The following THADA variants were observed in gnomAD, a reference collection of about 807,000 sequenced individuals.
THADA encodes the protein THADA armadillo repeat containing.
In THADA, 213 loss-of-function variants were observed where a neutral mutation model predicts 219.8. The observed-to-expected ratio is 0.97, with a 90% CI of 0.87 to 1.09. The LOEUF is 1.09. Ranked by LOEUF, THADA falls within the 50% of genes least tolerant of loss-of-function variation. The probability of loss-of-function intolerance (pLI) is 0.00; values close to 1 mark genes in which losing one functional copy is unlikely to be tolerated. For missense variants in THADA, 2,956 were observed against 2,311.3 expected (o/e 1.28, Z -5.72); for synonymous variants, 1,018 against 828.9 (o/e 1.23, Z -3.92).
chr2:43,314,360 C>T (rs1028121086), intron 31 of THADA, among the ~76,000 whole-genome samples: 7 of 150,960 alleles, frequency 4.6e-5, no homozygotes, highest in Non-Finnish European at 1.0e-4. Context: ...AGGAAAAACC[C>T]GCTCATAAAA....
intron 28 of THADA, among the ~76,000 whole-genome samples, chr2:43,405,244 T>C (rs1462490739): frequency 6.6e-6 from 1 of 152,258 alleles, no homozygotes; most frequent in African/African-American, 2.4e-5. Flanking sequence ...TTTTTAATTC[T>C]GTGTGGTTCG....
chr2:43,453,407 G>C (rs1376303712), intron 26 of THADA, among the ~76,000 whole-genome samples: 1 of 152,182 alleles, frequency 6.6e-6, no homozygotes, highest in Non-Finnish European at 1.5e-5. Context: ...GCATTTGGTA[G>C]AGTTGTGAAA....
intron 28 of THADA, among the ~76,000 whole-genome samples, chr2:43,414,969 G>A (rs1373020272): frequency 6.6e-6 from 1 of 152,170 alleles, no homozygotes; most frequent in Non-Finnish European, 1.5e-5. Context: ...AAAACACGAT[G>A]CCATGCTTCA....
At chr2:43,313,342 T>C (rs1677721419) in intron 31 of THADA, among the ~76,000 whole-genome samples, 1 of 152,234 alleles carries the variant, frequency 6.6e-6, no homozygotes, top group African/African-American at 2.4e-5. Flanking sequence ...CTGACTCCAC[T>C]TGCACAAGCT....
intron 31 of THADA, among the ~76,000 whole-genome samples, chr2:43,316,313 C>A (rs963231174): frequency 5.3e-5 from 8 of 152,128 alleles, no homozygotes; most frequent in Non-Finnish European, 1.2e-4. Flanking sequence ...ACTTATAAGA[C>A]CAAGGCATAT....
chr2:43,532,953 A>G (rs947431347), intron 21 of THADA, among the ~76,000 whole-genome samples: 1 of 152,174 alleles, frequency 6.6e-6, no homozygotes, highest in African/African-American at 2.4e-5. Flanking sequence ...TGAACAGACA[A>G]CCTACACAAT....
intron 26 of THADA, among the ~76,000 whole-genome samples, chr2:43,460,979 G>A (rs1364267105): frequency 6.6e-6 from 1 of 152,196 alleles, no homozygotes; most frequent in Admixed American, 6.5e-5. Flanking sequence ...AGAAAAGTCA[G>A]TGGAGAAGGG....
At chr2:43,530,353 T>C (rs1269897823) in intron 21 of THADA, among the ~76,000 whole-genome samples, 1 of 152,186 alleles carries the variant, frequency 6.6e-6, no homozygotes, top group East Asian at 1.9e-4. Context: ...AACAGAATTA[T>C]CAAGGCTTAA....
intron 21 of THADA, among the ~76,000 whole-genome samples, chr2:43,535,298 G>A (rs1391537246): frequency 2.7e-5 from 4 of 148,656 alleles, no homozygotes; most frequent in African/African-American, 7.4e-5. Flanking sequence ...TTTTGGCTCT[G>A]TTGTTTCCTT....
chr2:43,468,900 C>G (rs1684583172), intron 26 of THADA, among the ~76,000 whole-genome samples: 1 of 152,118 alleles, frequency 6.6e-6, no homozygotes, highest in South Asian at 2.1e-4. Context: ...GAAACTGAGG[C>G]CCGGGGGACT....
chr2:43,569,372 C>A (rs1214577500), intron 14 of THADA, among the ~76,000 whole-genome samples: 4 of 152,170 alleles, frequency 2.6e-5, no homozygotes, highest in Admixed American at 2.6e-4. Flanking sequence ...ATATAGTCTA[C>A]AAAGAGCTTT....
intron 31 of THADA, among the ~76,000 whole-genome samples, chr2:43,302,277 C>G (rs1676352845): frequency 6.6e-6 from 1 of 151,964 alleles, no homozygotes; most frequent in Non-Finnish European, 1.5e-5. Context: ...CTTTAATGGC[C>G]CCATCGTACT....
chr2:43,231,279 A>G lies in THADA; in HGVS notation c.5531T>C (p.Val1844Ala). The change falls in exon 38 of 38, where the codon GTG becomes GCG. Residue 1844 changes from valine to alanine, a missense_variant. Transcript: ENST00000405975. ...GAAGAGGTGCTTGCAGAGGTATTTC[A>G]CAAAGATCAGGGTCTCGGCCCAAAA... Reference protein sequence around the residue: ...VNFWAETLIFVKYLCKHLFCL... With the variant: ...VNFWAETLIFAKYLCKHLFCL... The G allele has an allele frequency of 6.2e-7, 1 of 1,605,100 alleles. No homozygotes were observed.
intron 36 of THADA, among the ~76,000 whole-genome samples, chr2:43,268,904 G>A (rs1671825068): frequency 6.6e-6 from 1 of 152,190 alleles, no homozygotes; most frequent in African/African-American, 2.4e-5. Flanking sequence ...GGGGCTGGAG[G>A]AGTCATCCTC....
intron 36 of THADA, among the ~76,000 whole-genome samples, chr2:43,267,880 A>G (rs1202720733): frequency 6.6e-6 from 1 of 152,180 alleles, no homozygotes; most frequent in Non-Finnish European, 1.5e-5. Flanking sequence ...CGACTAAAAC[A>G]CCAGCTGTTT....
intron 14 of THADA, among the ~76,000 whole-genome samples, chr2:43,569,459 C>T (rs1042507498): frequency 6.6e-6 from 1 of 152,186 alleles, no homozygotes; most frequent in Non-Finnish European, 1.5e-5. Flanking sequence ...AGTCAGCCAA[C>T]TAATAAGTGG....
chr2:43,592,101 G>A, intron 2 of THADA, 55 bp from the exon 3 acceptor site: 2 of 1,398,122 alleles, frequency 1.4e-6, no homozygotes, highest in African/African-American at 2.9e-5. Flanking sequence ...AGTTAACTTT[G>A]CCTTTGTTGT....
chr2:43,515,278 A>T (rs1479912037), intron 22 of THADA, among the ~76,000 whole-genome samples: 1 of 54,484 alleles, frequency 1.8e-5, no homozygotes, highest in Non-Finnish European at 3.3e-5. Flanking sequence ...ATAATATATA[A>T]TATATTATAT....
intron 31 of THADA, among the ~76,000 whole-genome samples, chr2:43,316,006 A>C (rs1318460099): frequency 6.6e-6 from 1 of 152,128 alleles, no homozygotes; most frequent in East Asian, 1.9e-4. Flanking sequence ...CTCACCAGTC[A>C]CACCTGCCTG....
Sources: gnomAD v4.1 joint callset for allele counts (sites outside exome capture counted in the v4.1 genomes callset) on GRCh38, gnomAD v4.1.1 for gene constraint, MANE v1.5 for transcripts, NCBI Gene and HGNC (gene_info 2026-07-23, HGNC 2026-07-21) for gene names.